DRICH1: variants seen among roughly 807,000 people sequenced by gnomAD.
DRICH1 encodes the protein aspartate rich 1.
Under a neutral mutation model 39.5 loss-of-function variants are expected in DRICH1, and 38 were observed. The ratio of observed to expected loss-of-function variants is 0.96; its 90% CI spans 0.74 to 1.26. The LOEUF (loss-of-function observed/expected upper bound fraction) is 1.26. DRICH1 is among the 50% of genes most tolerant of loss of function. The pLI is 0.00. For synonymous variants in DRICH1, 84 were observed against 99.5 expected, an observed-to-expected ratio of 0.84 and a Z score of 0.93; for missense variants, 279 against 270.4, an observed-to-expected ratio of 1.03 and a Z score of -0.22.
intron 4 of DRICH1, among the ~76,000 whole-genome samples, chr22:23,621,890 G>A (rs529488144): frequency 3.6e-4 from 55 of 151,938 alleles, no homozygotes; most frequent in Non-Finnish European, 7.4e-4. Flanking sequence ...TGAACTGAGT[G>A]AGACTCTGTC....
the DRICH1 span, among the ~76,000 whole-genome samples, chr22:23,584,361 T>C: frequency 6.6e-6 from 1 of 151,978 alleles, no homozygotes; most frequent in Non-Finnish European, 1.5e-5. Flanking sequence ...TTTGTGGGTG[T>C]CCCCCATTCT....
the DRICH1 span, among the ~76,000 whole-genome samples, chr22:23,591,521 A>C: frequency 6.6e-6 from 1 of 152,080 alleles, no homozygotes; most frequent in Non-Finnish European, 1.5e-5. Flanking sequence ...GAGACCTTGA[A>C]CTACTCCAAG....
chr22:23,622,621 A>G (rs941539428), intron 3 of DRICH1, among the ~76,000 whole-genome samples: 1 of 152,132 alleles, frequency 6.6e-6, no homozygotes, highest in Non-Finnish European at 1.5e-5. Context: ...TATTGGTGAA[A>G]TGGACTCAAT....
chr22:23,612,388 A>G (rs957527868), intron 11 of DRICH1, among the ~76,000 whole-genome samples: 12 of 146,986 alleles, frequency 8.2e-5, no homozygotes, highest in African/African-American at 3.1e-4. Context: ...AATGGCGTGA[A>G]CCCGGGAGGC....
intron 10 of DRICH1, 93 bp downstream of exon 10, chr22:23,613,546 C>T (rs1229051351): frequency 2.0e-5 from 21 of 1,062,418 alleles, no homozygotes; most frequent in Non-Finnish European, 1.5e-6. Flanking sequence ...GAACCCCAAG[C>T]CTCTTTCCCA....
chr22:23,614,024 T>C (rs1244416177), intron 9 of DRICH1, 111 bp downstream of exon 9: 1 of 741,532 alleles, frequency 1.3e-6, no homozygotes, highest in East Asian at 2.6e-5. Context: ...AAGAGAATAG[T>C]GTACAGTGTA....
At chr22:23,619,419 T>C in intron 5 of DRICH1, 26 bp from the exon 6 acceptor site, 1 of 779,536 alleles carries the variant, frequency 1.3e-6, no homozygotes, top group Non-Finnish European at 2.4e-6. Flanking sequence ...AAAGTTAATC[T>C]AAGACTTTAA....
At chr22:23,620,756 A>C in intron 4 of DRICH1, 141 bp from the exon 5 acceptor site, 4 of 925,358 alleles carry the variant, frequency 4.3e-6, no homozygotes. Context: ...CAAACATTCT[A>C]GCATAGAGAA....
chr22:23,601,145 C>T, the DRICH1 span, among the ~76,000 whole-genome samples: 35 of 144,174 alleles, frequency 2.4e-4, no homozygotes, highest in African/African-American at 7.7e-4. Flanking sequence ...AACGCACGCG[C>T]GCACACACAC....
chr22:23,589,884 T>C, the DRICH1 span, among the ~76,000 whole-genome samples: 4 of 152,160 alleles, frequency 2.6e-5, no homozygotes, highest in African/African-American at 4.8e-5. Flanking sequence ...GCAGTAACTG[T>C]TACCACAGGA....
chr22:23,596,979 C>G, the DRICH1 span, among the ~76,000 whole-genome samples: 1 of 151,274 alleles, frequency 6.6e-6, no homozygotes, highest in Non-Finnish European at 1.5e-5. Flanking sequence ...GTCTGTTTCT[C>G]TCTTCAATTC....
At chr22:23,615,077 A>C (rs1474182296) in intron 8 of DRICH1, among the ~76,000 whole-genome samples, 2 of 152,226 alleles carry the variant, frequency 1.3e-5, no homozygotes, top group Admixed American at 1.3e-4. Context: ...TATCTTATAT[A>C]AAAATTATTT....
intron 1 of DRICH1, among the ~76,000 whole-genome samples, chr22:23,626,321 G>C (rs6003817): frequency 5.3e-5 from 8 of 152,164 alleles, no homozygotes; most frequent in African/African-American, 1.9e-4. Flanking sequence ...CTGTGACATA[G>C]GAAAAACTGG....
intron 10 of DRICH1, 80 bp from the exon 11 acceptor site, chr22:23,613,410 G>A: frequency 8.2e-7 from 1 of 1,217,350 alleles, no homozygotes; most frequent in Non-Finnish European, 1.2e-6. Context: ...AGCTGAAGCT[G>A]AGTGATGAGC....
chr22:23,626,132 G>T, intron 1 of DRICH1, 84 bp from the exon 2 acceptor site: 1 of 902,592 alleles, frequency 1.1e-6, no homozygotes, highest in Admixed American at 1.9e-5. Context: ...TGCGGCACAT[G>T]GAGCGTGGGA....
chr22:23,587,488 C>A, the DRICH1 span, among the ~76,000 whole-genome samples: 3 of 152,182 alleles, frequency 2.0e-5, no homozygotes, highest in Non-Finnish European at 1.5e-5. Context: ...GGCAGAGGGA[C>A]CCATCCCTGA....
At chr22:23,624,493 G>A (rs1286696479) in intron 3 of DRICH1, among the ~76,000 whole-genome samples, 1 of 152,054 alleles carries the variant, frequency 6.6e-6, no homozygotes, top group Non-Finnish European at 1.5e-5. Flanking sequence ...CAAGCAGCAG[G>A]TATAACATGA....
intron 5 of DRICH1, among the ~76,000 whole-genome samples, chr22:23,619,947 GGAGT>G (rs1454502185): frequency 2.0e-5 from 3 of 152,194 alleles, no homozygotes; most frequent in Admixed American, 6.5e-5. Context: ...TCTGTCTCCA[GGAGT>G]GAGTAACTGC....
downstream of DRICH1, among the ~76,000 whole-genome samples, chr22:23,606,081 C>A (rs1235178538): frequency 2.0e-5 from 3 of 150,820 alleles, no homozygotes; most frequent in Non-Finnish European, 4.4e-5. Context: ...TTGAGTGAGA[C>A]CCCACCTCAA....
Sources: allele counts gnomAD v4.1 joint callset (sites outside exome capture counted in the v4.1 genomes callset), GRCh38; gene constraint gnomAD v4.1.1; transcripts MANE v1.5; gene names NCBI Gene and HGNC (gene_info 2026-07-23, HGNC 2026-07-21).